The following FGGY variants were observed in gnomAD, a reference collection of about 807,000 sequenced individuals.
FGGY encodes the protein FGGY carbohydrate kinase domain-containing protein.
Under a neutral mutation model 71.3 loss-of-function variants are expected in FGGY, and 72 were observed. That is an observed-to-expected ratio of 1.01 (90% CI 0.84 to 1.23). The LOEUF is 1.23. Ranked by LOEUF, FGGY falls within the 50% of genes most tolerant of loss-of-function variation. FGGY has a pLI of 0.00. For synonymous variants in FGGY, 251 were observed against 250.3 expected (o/e 1.00, Z -0.02); for missense variants, 668 against 682.3 (o/e 0.98, Z 0.23).
At chr1:59,647,709 G>C (rs866079203) in intron 11 of FGGY, among the ~76,000 whole-genome samples, 1 of 150,646 alleles carries the variant, frequency 6.6e-6, no homozygotes, top group South Asian at 2.1e-4. Context: ...AGAGGCCTCC[G>C]GCATTCCTGG....
chr1:59,666,679 G>A (rs72666271), intron 12 of FGGY, among the ~76,000 whole-genome samples: 2,556 of 152,304 alleles, frequency 0.017, 46 homozygotes, highest in Non-Finnish European at 0.026. Flanking sequence ...GAATGGATTT[G>A]GCTCAGAAGT....
At position 59,618,284 on chromosome 1, in the gene FGGY, T is replaced by A. The variant is rs965313604; in HGVS notation, c.1012-7704T>A. 3.3e-5 allele frequency among the ~76,000 whole-genome samples: 5 copies of A among 152,108 alleles called. No homozygotes were observed. The East Asian group carries it at 9.6e-4, about 29-fold the overall frequency. On this transcript the variant is annotated intron_variant, in intron 9 of 15. Coordinates refer to ENST00000303721, the MANE Select transcript of FGGY (RefSeq NM_018291.5). ...CAAATATTTTTAGGCCCATTAGGAT[T>A]TGGTATTTCATCTGATCTTCACAGC... is the stretch of plus-strand genomic sequence containing the variant.
chr1:59,481,191 G>T lies in FGGY; in HGVS notation c.670+24115G>T, dbSNP rs554347781. ...GTTAAAACATTTTAAACAAGGAAAT[G>T]ATGTGATCCAAATTGAATATGGTCC... On this transcript the variant is annotated intron_variant, in intron 6 of 15. Transcript: ENST00000303721. Among the ~76,000 whole-genome samples, 7 of 152,272 alleles carry T rather than the reference G, an allele frequency of 4.6e-5. No homozygotes were observed. The East Asian group carries it at 1.3e-3, about 29-fold the overall frequency.
At chr1:59,646,045 C>T (rs1213906419) in intron 11 of FGGY, among the ~76,000 whole-genome samples, 1 of 152,130 alleles carries the variant, frequency 6.6e-6, no homozygotes, top group African/African-American at 2.4e-5. Flanking sequence ...TAGCCAGTTT[C>T]CAAGGGACTG....
chr1:59,580,087 C>T (rs1409706954), intron 8 of FGGY, among the ~76,000 whole-genome samples: 2 of 152,082 alleles, frequency 1.3e-5, no homozygotes, highest in African/African-American at 4.8e-5. Context: ...TGTAATGTAA[C>T]CTCATCATTA....
At chr1:59,624,624 C>T (rs905290598) in intron 9 of FGGY, among the ~76,000 whole-genome samples, 13 of 151,942 alleles carry the variant, frequency 8.6e-5, no homozygotes, top group Admixed American at 2.6e-4. Flanking sequence ...GCTGGGGAGG[C>T]GTCACAATCA....
At chr1:59,532,912 A>C (rs773416097) in intron 7 of FGGY, among the ~76,000 whole-genome samples, 6 of 152,246 alleles carry the variant, frequency 3.9e-5, no homozygotes, top group Admixed American at 3.3e-4. Context: ...GTAATTTAGC[A>C]AGGTTGCTAT....
intron 10 of FGGY, among the ~76,000 whole-genome samples, chr1:59,637,283 A>C (rs547852492): frequency 1.3e-5 from 2 of 152,030 alleles, no homozygotes; most frequent in African/African-American, 4.8e-5. Context: ...ACATGTAAAG[A>C]ATGAAGGAGT....
chr1:59,740,984 A>C (rs2098142439), intron 14 of FGGY, among the ~76,000 whole-genome samples: 1 of 152,238 alleles, frequency 6.6e-6, no homozygotes, highest in Admixed American at 6.5e-5. Flanking sequence ...TTGAAATGAT[A>C]TTTGGGGTAT....
intron 7 of FGGY, among the ~76,000 whole-genome samples, chr1:59,519,339 A>G (rs2094757063): frequency 6.6e-6 from 1 of 152,250 alleles, no homozygotes; most frequent in African/African-American, 2.4e-5. Flanking sequence ...AGTGACTATG[A>G]GAGAGAAGTG....
intron 15 of FGGY, among the ~76,000 whole-genome samples, chr1:59,760,736 C>A (rs114071659): frequency 0.016 from 2,489 of 152,222 alleles, 69 homozygotes; most frequent in African/African-American, 0.056. Context: ...AAGAATAAGG[C>A]CAGTGCACAA....
At chr1:59,386,302 GT>G (rs1377555925) in intron 5 of FGGY, among the ~76,000 whole-genome samples, 1 of 152,082 alleles carries the variant, frequency 6.6e-6, no homozygotes, top group African/African-American at 2.4e-5. Flanking sequence ...ACCCTTGACA[GT>G]TTTGAAGTGT....
rs916549019 is a variant in FGGY, at chr1:59,314,965, C to T, written c.-14-6571C>T. Among the ~76,000 whole-genome samples, 4 of 152,168 alleles carry T rather than the reference C, an allele frequency of 2.6e-5. No individual in the cohort carries two copies. The East Asian group carries it at 7.7e-4, about 29-fold the overall frequency. Reference sequence around the variant, plus strand: ...TCTCATGTTCTATGGTGTCTGGGATCTTCAGAGCCTGTTAGCCAGCTGGCT... The same window carrying T: ...TCTCATGTTCTATGGTGTCTGGGATTTTCAGAGCCTGTTAGCCAGCTGGCT... On this transcript the variant is annotated intron_variant, in intron 1 of 15. Transcript: ENST00000303721.
intron 14 of FGGY, among the ~76,000 whole-genome samples, chr1:59,744,124 G>A (rs1427259756): frequency 6.6e-6 from 1 of 152,168 alleles, no homozygotes; most frequent in Non-Finnish European, 1.5e-5. Flanking sequence ...TCAGTGGTTT[G>A]TATGCATTTT....
chr1:59,612,890 G>A (rs940610174), intron 9 of FGGY, among the ~76,000 whole-genome samples: 1 of 152,098 alleles, frequency 6.6e-6, no homozygotes, highest in Non-Finnish European at 1.5e-5. Flanking sequence ...AAGATCAAAA[G>A]AGACAAAGAA....
chr1:59,308,038 G>A (rs745930021), intron 1 of FGGY, among the ~76,000 whole-genome samples: 8 of 152,170 alleles, frequency 5.3e-5, no homozygotes, highest in East Asian at 3.8e-4. Context: ...TGTGCTTACC[G>A]TGTGCAGCTA....
intron 4 of FGGY, among the ~76,000 whole-genome samples, chr1:59,369,450 TG>T (rs914895167): frequency 1.3e-5 from 2 of 152,234 alleles, no homozygotes; most frequent in African/African-American, 4.8e-5. Context: ...CAAGGAGGCC[TG>T]CCTGCCTCTG....
At chr1:59,620,944 C>T (rs1477501628) in intron 9 of FGGY, among the ~76,000 whole-genome samples, 3 of 152,030 alleles carry the variant, frequency 2.0e-5, no homozygotes, top group Admixed American at 1.3e-4. Flanking sequence ...CAAAATACCA[C>T]AGGTTGGGTG....
At chr1:59,447,602 A>G (rs770746317) in intron 5 of FGGY, among the ~76,000 whole-genome samples, 9 of 152,122 alleles carry the variant, frequency 5.9e-5, no homozygotes, top group Non-Finnish European at 1.2e-4. Flanking sequence ...GTGGGAGATA[A>G]TTGAATCATG....
Sources: allele counts gnomAD v4.1 joint callset (sites outside exome capture counted in the v4.1 genomes callset), GRCh38; gene constraint gnomAD v4.1.1; transcripts MANE v1.5; gene names NCBI Gene and HGNC (gene_info 2026-07-23, HGNC 2026-07-21).